OR10J1: variants seen among roughly 807,000 people sequenced by gnomAD.
OR10J1 encodes olfactory receptor family 10 subfamily J member 1.
For synonymous variants in OR10J1, 202 were observed against 143.8 expected, an observed-to-expected ratio of 1.40 and a Z score of -2.89; for missense variants, 474 against 376.6, an observed-to-expected ratio of 1.26 and a Z score of -2.14.
chr1:159,440,227 CTGGGGG>C lies in OR10J1; in HGVS notation c.437_442del (p.Leu146_Ala148delinsPro). The C allele has an allele frequency of 6.2e-7, 1 of 1,614,140 alleles. No homozygotes were observed. The highest frequency in any genetic ancestry group is 8.5e-7 in the Non-Finnish European group (1 of 1,180,006). On this transcript the variant is annotated inframe_deletion, in exon 1 of 1. Coordinates refer to ENST00000423932, the MANE Select transcript of OR10J1 (RefSeq NM_012351.3). ...CAAGAGGCTGCGTATCCAACTTGTC[CTGGGGG>C]CCTGCAGCATTGGGCTGATTGTAGC...
At chr1:159,403,172 G>A in the OR10J1 span, among the ~76,000 whole-genome samples, 1 of 151,958 alleles carries the variant, frequency 6.6e-6, no homozygotes, top group Non-Finnish European at 1.5e-5. Context: ...AGAAAACATT[G>A]GGGAAAATCT....
chr1:159,410,050 A>T, the OR10J1 span, among the ~76,000 whole-genome samples: 1 of 152,168 alleles, frequency 6.6e-6, no homozygotes, highest in African/African-American at 2.4e-5. Flanking sequence ...GATAAAGCCC[A>T]CTTGATCATG....
chr1:159,422,518 G>T, the OR10J1 span, among the ~76,000 whole-genome samples: 1 of 152,266 alleles, frequency 6.6e-6, no homozygotes, highest in East Asian at 1.9e-4. Flanking sequence ...CTCTGCCCAT[G>T]GTTCCCACCT....
At chr1:159,414,696 G>T in the OR10J1 span, among the ~76,000 whole-genome samples, 2 of 151,796 alleles carry the variant, frequency 1.3e-5, no homozygotes, top group African/African-American at 4.8e-5. Flanking sequence ...ACTAATTTAC[G>T]TTCCCACCAA....
At chr1:159,400,961 G>A in the OR10J1 span, among the ~76,000 whole-genome samples, 1 of 151,892 alleles carries the variant, frequency 6.6e-6, no homozygotes, top group Non-Finnish European at 1.5e-5. Context: ...TGAATAATCA[G>A]AAATTTTGGA....
chr1:159,408,181 C>A, the OR10J1 span, among the ~76,000 whole-genome samples: 2 of 151,736 alleles, frequency 1.3e-5, no homozygotes, highest in Non-Finnish European at 2.9e-5. Flanking sequence ...TATGGAGGAC[C>A]CAGAAACAGA....
chr1:159,407,791 T>C, the OR10J1 span, among the ~76,000 whole-genome samples: 1 of 152,144 alleles, frequency 6.6e-6, no homozygotes, highest in African/African-American at 2.4e-5. Context: ...CTTATTCCCA[T>C]ACTATGTGTC....
the OR10J1 span, among the ~76,000 whole-genome samples, chr1:159,399,397 C>T: frequency 1.6e-4 from 24 of 151,576 alleles, no homozygotes; most frequent in Non-Finnish European, 3.1e-4. Flanking sequence ...CGGTGAAACC[C>T]GTCTCTACTA....
chr1:159,428,184 T>C, the OR10J1 span, among the ~76,000 whole-genome samples: 7 of 152,052 alleles, frequency 4.6e-5, no homozygotes, highest in Non-Finnish European at 8.8e-5. Flanking sequence ...CCAAATGCAA[T>C]GTGAAGAGAA....
upstream of OR10J1, among the ~76,000 whole-genome samples, chr1:159,434,954 C>T (rs1487562138): frequency 6.6e-6 from 1 of 152,084 alleles, no homozygotes; most frequent in Non-Finnish European, 1.5e-5. Flanking sequence ...AATAGAATTC[C>T]CTTTTACCTA....
chr1:159,406,718 C>T, the OR10J1 span, among the ~76,000 whole-genome samples: 1 of 152,142 alleles, frequency 6.6e-6, no homozygotes, highest in Admixed American at 6.6e-5. Context: ...GGCACTTCAG[C>T]TTCCTCTATG....
the OR10J1 span, among the ~76,000 whole-genome samples, chr1:159,430,828 A>C: frequency 3.6e-4 from 55 of 152,268 alleles, no homozygotes; most frequent in African/African-American, 1.3e-3. Flanking sequence ...TACATACAGT[A>C]ATTCATATGG....
At chr1:159,421,658 C>T in the OR10J1 span, among the ~76,000 whole-genome samples, 1 of 152,052 alleles carries the variant, frequency 6.6e-6, no homozygotes, top group Non-Finnish European at 1.5e-5. Context: ...TTTAGCTGTA[C>T]AATGTCAGTG....
At chr1:159,424,889 A>G in the OR10J1 span, among the ~76,000 whole-genome samples, 128 of 152,294 alleles carry the variant, frequency 8.4e-4, 1 homozygote, top group Non-Finnish European at 1.6e-3. Flanking sequence ...AAAGAAAATA[A>G]GAAAGGAACA....
chr1:159,400,156 GAGTA>G, the OR10J1 span, among the ~76,000 whole-genome samples: 6 of 151,876 alleles, frequency 4.0e-5, no homozygotes, highest in African/African-American at 1.4e-4. Flanking sequence ...AAAATGGCAA[GAGTA>G]AGTGTGCACA....
chr1:159,434,877 T>C (rs1352002477), upstream of OR10J1, among the ~76,000 whole-genome samples: 1 of 152,260 alleles, frequency 6.6e-6, no homozygotes, highest in East Asian at 1.9e-4. Context: ...GAGGTCAACA[T>C]CAAGTCACTC....
chr1:159,421,320 T>C, the OR10J1 span, among the ~76,000 whole-genome samples: 1 of 152,184 alleles, frequency 6.6e-6, no homozygotes, highest in Admixed American at 6.5e-5. Flanking sequence ...TTTTTTATAT[T>C]GTTTTCAGTC....
chr1:159,402,603 A>T, the OR10J1 span, among the ~76,000 whole-genome samples: 3 of 152,260 alleles, frequency 2.0e-5, no homozygotes, highest in Admixed American at 2.0e-4. Flanking sequence ...TCATGAAAGT[A>T]ATTGAAGAGG....
At chr1:159,410,982 C>G in the OR10J1 span, among the ~76,000 whole-genome samples, 8 of 152,164 alleles carry the variant, frequency 5.3e-5, no homozygotes, top group African/African-American at 1.2e-4. Flanking sequence ...GGAGCAGGTT[C>G]TTCAGTTCCC....
Sources: allele counts gnomAD v4.1 joint callset (sites outside exome capture counted in the v4.1 genomes callset), GRCh38; gene constraint gnomAD v4.1.1; transcripts MANE v1.5; gene names NCBI Gene and HGNC (gene_info 2026-07-23, HGNC 2026-07-21).